Variants in ZNF787 observed in about 807,000 individuals in gnomAD.
ZNF787 encodes the protein TTF-I-interacting peptide 20.
ZNF787 carries 7 observed loss-of-function variants against 16.9 expected under a neutral mutation model. The ratio of observed to expected loss-of-function variants is 0.42; its 90% CI spans 0.24 to 0.78. The LOEUF is 0.78. Ranked by LOEUF, ZNF787 falls within the 30% of genes least tolerant of loss-of-function variation. ZNF787 has a pLI of 0.30. For missense variants in ZNF787, 551 were observed against 589.3 expected (o/e 0.94, Z 0.67); for synonymous variants, 345 against 270.9 (o/e 1.27, Z -2.69).
chr19:56,108,799 C>T (rs1257009103), intron 1 of ZNF787, among the ~76,000 whole-genome samples: 1 of 152,166 alleles, frequency 6.6e-6, no homozygotes, highest in Non-Finnish European at 1.5e-5. Flanking sequence ...GACCTCCCCT[C>T]GGACAGACCC....
At position 56,087,769 on chromosome 19, in the gene ZNF787, G is replaced by T. The variant is rs1023296600; in HGVS notation, c.*254C>A. On this transcript the variant is annotated 3_prime_UTR_variant, in exon 3 of 3. Coordinates refer to ENST00000610935, the MANE Select transcript of ZNF787 (RefSeq NM_001002836.4). ...CTGCAGTTCTCTCCATTGTCTCTCC[G>T]GCTCGCAGGCCGATAACTTAGGAAG... is the stretch of plus-strand genomic sequence containing the variant. 2 of 453,614 alleles carry T rather than the reference G, an allele frequency of 4.4e-6. No homozygotes were observed. The highest frequency in any genetic ancestry group is 2.1e-5 in the African/African-American group (1 of 48,070). The allele number at this position is 453,614 out of a possible 1,614,324, so 28.1% of individuals were successfully genotyped here. A position where few individuals can be genotyped will look rare whatever the true frequency, so the allele number is the denominator to read the frequency against.
At chr19:56,093,648 G>A (rs995289427) in intron 2 of ZNF787, among the ~76,000 whole-genome samples, 1 of 152,168 alleles carries the variant, frequency 6.6e-6, no homozygotes, top group African/African-American at 2.4e-5. Context: ...GAGGAACGGG[G>A]TTCACAGGGC....
intron 2 of ZNF787, among the ~76,000 whole-genome samples, chr19:56,089,510 C>T (rs1457853924): frequency 2.0e-5 from 3 of 152,172 alleles, no homozygotes; most frequent in Admixed American, 2.0e-4. Flanking sequence ...AGAGGGGCCG[C>T]AGGGCTTGAA....
At chr19:56,119,505 G>C (rs1004396968) in intron 1 of ZNF787, among the ~76,000 whole-genome samples, 2 of 152,186 alleles carry the variant, frequency 1.3e-5, no homozygotes, top group African/African-American at 4.8e-5. Context: ...AAAGCATTAA[G>C]AGCCTTCCCG....
intron 2 of ZNF787, among the ~76,000 whole-genome samples, chr19:56,098,455 C>T (rs904867100): frequency 1.1e-4 from 17 of 151,886 alleles, no homozygotes; most frequent in Admixed American, 9.2e-4. Context: ...GTGATACGGC[C>T]GCAGGGTGAT....
chr19:56,089,677 C>G (rs558082406), intron 2 of ZNF787, among the ~76,000 whole-genome samples: 1 of 152,174 alleles, frequency 6.6e-6, no homozygotes, highest in Non-Finnish European at 1.5e-5. Context: ...GCCCCACCTC[C>G]GAACCTGGGA....
chr19:56,113,869 G>A (rs2030054024), intron 1 of ZNF787, among the ~76,000 whole-genome samples: 3 of 152,090 alleles, frequency 2.0e-5, no homozygotes, highest in South Asian at 2.1e-4. Flanking sequence ...TCGCTTTCTC[G>A]CCCAGGCTGG....
intron 2 of ZNF787, among the ~76,000 whole-genome samples, chr19:56,096,242 A>AATAAAAT (rs1985865359): frequency 1.5e-5 from 2 of 129,298 alleles, no homozygotes; most frequent in East Asian, 5.3e-4. Flanking sequence ...AAAATAAAAA[A>AATAAAAT]AATAAAAAAA....
intron 2 of ZNF787, among the ~76,000 whole-genome samples, chr19:56,093,663 G>C (rs62122411): frequency 0.11 from 17,358 of 152,198 alleles, 1,320 homozygotes; most frequent in East Asian, 0.32. Flanking sequence ...CAGGGCTGTT[G>C]CTGGGTAGCC....
At position 56,088,437 on chromosome 19, in the gene ZNF787, C is replaced by A; in HGVS notation, c.735G>T (p.Val245=). The part of the protein sequence containing the change: ...IPVGDGEGII[V]VGAPGEGAAA... ...CGGCCCCCTCGCCCGGCGCGCCCACCACGATGATGCCCTCGCCATCGCCCA... is the reference window on the plus strand; with the variant it reads ...CGGCCCCCTCGCCCGGCGCGCCCACAACGATGATGCCCTCGCCATCGCCCA... Residue 245 remains valine (V), a synonymous_variant, in exon 3 of 3, where the codon GTG becomes GTT. Coordinates refer to ENST00000610935, the MANE Select transcript of ZNF787 (RefSeq NM_001002836.4). This position sits in a 1 kb window ranked among gnomAD's most constrained non-coding sequence, Gnocchi z 8.6. The A allele has an allele frequency of 8.1e-7, 1 of 1,229,490 alleles. No individual in the cohort carries two copies. Among genetic ancestry groups the A allele is most frequent in the Non-Finnish European group, 1.0e-6 (1 of 982,982 alleles). 76.2% of individuals were successfully genotyped at this position (1,229,490 alleles called of 1,614,324 possible).
At chr19:56,114,825 C>T (rs1022751381) in intron 1 of ZNF787, among the ~76,000 whole-genome samples, 1 of 151,992 alleles carries the variant, frequency 6.6e-6, no homozygotes, top group Non-Finnish European at 1.5e-5. Flanking sequence ...GCTTCCGGAA[C>T]CAACACTGCT....
At chr19:56,097,373 G>C (rs571030065) in intron 2 of ZNF787, among the ~76,000 whole-genome samples, 1 of 152,334 alleles carries the variant, frequency 6.6e-6, no homozygotes, top group South Asian at 2.1e-4. Flanking sequence ...TATCTAACCA[G>C]AAAGAACACT....
At chr19:56,102,931 A>T in intron 2 of ZNF787, 1 of 710,194 alleles carries the variant, frequency 1.4e-6, no homozygotes, top group Non-Finnish European at 2.6e-6. Flanking sequence ...ATCATCCAGC[A>T]GAAAGGAAAC....
intron 2 of ZNF787, among the ~76,000 whole-genome samples, chr19:56,098,386 C>T (rs561808347): frequency 6.6e-6 from 1 of 152,228 alleles, no homozygotes; most frequent in Non-Finnish European, 1.5e-5. Context: ...GAAGGAGAGG[C>T]CCAAAGACAG....
intron 2 of ZNF787, among the ~76,000 whole-genome samples, chr19:56,099,759 A>G (rs140161937): frequency 5.7e-4 from 86 of 151,806 alleles, no homozygotes; most frequent in African/African-American, 2.0e-3. Flanking sequence ...GAGTCACACA[A>G]CACCCTCTGG....
chr19:56,118,744 G>A (rs2030206927), intron 1 of ZNF787, among the ~76,000 whole-genome samples: 1 of 152,190 alleles, frequency 6.6e-6, no homozygotes, highest in Non-Finnish European at 1.5e-5. Context: ...GCCTCAGGAT[G>A]CACCAGAGGA....
intron 2 of ZNF787, among the ~76,000 whole-genome samples, chr19:56,094,903 G>A (rs1237019463): frequency 6.6e-6 from 1 of 152,148 alleles, no homozygotes; most frequent in Admixed American, 6.5e-5. Flanking sequence ...CTGAGGTCAG[G>A]AGTTCGAGAC....
At chr19:56,089,185 C>A in intron 2 of ZNF787, 93 bp from the exon 3 acceptor site, 1 of 941,092 alleles carries the variant, frequency 1.1e-6, no homozygotes, top group Non-Finnish European at 1.5e-6. Flanking sequence ...TGCCTCGCTC[C>A]CCCTGGCGCA....
At chr19:56,117,792 A>G (rs953030590) in intron 1 of ZNF787, among the ~76,000 whole-genome samples, 5 of 152,206 alleles carry the variant, frequency 3.3e-5, no homozygotes, top group African/African-American at 1.2e-4. Context: ...TATTTCCAGC[A>G]AAGACCCTGC....
Sources: allele counts gnomAD v4.1 joint callset (sites outside exome capture counted in the v4.1 genomes callset), GRCh38; gene constraint gnomAD v4.1.1; non-coding constraint Gnocchi (gnomAD v3.1); transcripts MANE v1.5; gene names NCBI Gene and HGNC (gene_info 2026-07-23, HGNC 2026-07-21).